Variants in KCNMA1 observed in about 807,000 individuals in gnomAD.
KCNMA1 encodes the protein Calcium-activated potassium channel subunit alpha-1.
A neutral mutation model predicts 140.0 loss-of-function variants in KCNMA1; 29 were observed. The observed-to-expected ratio is 0.21, with a 90% CI of 0.15 to 0.28. The LOEUF is 0.28. KCNMA1 is among the 10% of genes least tolerant of loss of function. The pLI, the probability that KCNMA1 is intolerant of heterozygous loss-of-function variation, is 1.00. For missense variants in KCNMA1, 880 were observed against 1,602.2 expected, an observed-to-expected ratio of 0.55 and a Z score of 7.70; for synonymous variants, 612 against 611.9, an observed-to-expected ratio of 1.00 and a Z score of 0.00.
At chr10:77,155,340 G>A (rs1401756679) in intron 5 of KCNMA1, among the ~76,000 whole-genome samples, 1 of 152,222 alleles carries the variant, frequency 6.6e-6, no homozygotes. Flanking sequence ...AGATACCTCT[G>A]TAATCATTTT....
intron 1 of KCNMA1, among the ~76,000 whole-genome samples, chr10:77,507,477 A>G (rs1480285073): frequency 6.6e-6 from 1 of 152,196 alleles, no homozygotes; most frequent in Non-Finnish European, 1.5e-5. Flanking sequence ...AAATCTCTGG[A>G]CTAGAACCAG....
chr10:77,410,175 C>A (rs917825221), intron 1 of KCNMA1, among the ~76,000 whole-genome samples: 5 of 152,188 alleles, frequency 3.3e-5, no homozygotes, highest in African/African-American at 1.2e-4. Context: ...TCACCCTGCA[C>A]CCTAACAGGA....
intron 5 of KCNMA1, among the ~76,000 whole-genome samples, chr10:77,166,000 C>G (rs1341052791): frequency 1.3e-5 from 2 of 152,056 alleles, no homozygotes; most frequent in Non-Finnish European, 2.9e-5. Context: ...GTTGGGGAGT[C>G]TCTGCGGGCT....
chr10:77,181,888 G>C (rs974867391), intron 5 of KCNMA1, among the ~76,000 whole-genome samples: 1 of 152,172 alleles, frequency 6.6e-6, no homozygotes, highest in Non-Finnish European at 1.5e-5. Context: ...TGTAGCAAAA[G>C]AAATCTTTTT....
At chr10:76,998,299 A>T (rs1280762364) in intron 19 of KCNMA1, among the ~76,000 whole-genome samples, 2 of 152,178 alleles carry the variant, frequency 1.3e-5, no homozygotes, top group Non-Finnish European at 2.9e-5. Flanking sequence ...GTTTCAATTT[A>T]ACATCCCTTG....
At position 77,486,237 on chromosome 10, in the gene KCNMA1, C is replaced by T. The variant is rs369234300; in HGVS notation, c.379-82214G>A. On this transcript the variant is annotated intron_variant, in intron 1 of 27. Transcript: ENST00000286628. ...TTAAGCACACACTGAAGTATTCTTT[C>T]CTCAACCTCACCTCATCTCCTCCCT... 3.3e-5 allele frequency among the ~76,000 whole-genome samples: 5 copies of T among 152,260 alleles called. No individual in the cohort carries two copies. The South Asian group carries it at 6.2e-4, about 19-fold the overall frequency.
chr10:77,353,306 G>A (rs2093110260), intron 2 of KCNMA1, among the ~76,000 whole-genome samples: 1 of 152,106 alleles, frequency 6.6e-6, no homozygotes, highest in Non-Finnish European at 1.5e-5. Flanking sequence ...CAGAGGAATA[G>A]GAGCCCCATC....
At chr10:77,104,197 C>G (rs969585648) in intron 9 of KCNMA1, among the ~76,000 whole-genome samples, 1 of 152,190 alleles carries the variant, frequency 6.6e-6, no homozygotes, top group African/African-American at 2.4e-5. Context: ...GTAGGTATTA[C>G]TATTGCCAGA....
chr10:77,265,862 C>T (rs1357149680), intron 2 of KCNMA1, among the ~76,000 whole-genome samples: 1 of 152,118 alleles, frequency 6.6e-6, no homozygotes, highest in Admixed American at 6.6e-5. Context: ...GGGCAGTTCA[C>T]TTGAGCTCAG....
chr10:77,359,102 C>T (rs1226702757), intron 2 of KCNMA1, among the ~76,000 whole-genome samples: 1 of 152,182 alleles, frequency 6.6e-6, no homozygotes, highest in Non-Finnish European at 1.5e-5. Flanking sequence ...GACTCGTTCA[C>T]ACCCAGGAGG....
chr10:77,622,907 A>C (rs1189849030), intron 1 of KCNMA1, among the ~76,000 whole-genome samples: 1 of 152,252 alleles, frequency 6.6e-6, no homozygotes, highest in Non-Finnish European at 1.5e-5. Context: ...TTCTAAAACC[A>C]GTGATAGACA....
intron 1 of KCNMA1, among the ~76,000 whole-genome samples, chr10:77,537,527 A>G (rs2059179352): frequency 6.6e-6 from 1 of 152,188 alleles, no homozygotes; most frequent in Non-Finnish European, 1.5e-5. Context: ...TCCCTATGGA[A>G]ATTCCCCCCA....
intron 2 of KCNMA1, among the ~76,000 whole-genome samples, chr10:77,322,303 G>A (rs1210812949): frequency 2.0e-5 from 3 of 152,132 alleles, no homozygotes; most frequent in African/African-American, 4.8e-5. Context: ...CTCTTTACAC[G>A]GGTTATCTCA....
rs140754611 is a variant in KCNMA1, at chr10:77,379,475, A to G, written c.540+24387T>C. On this transcript the variant is annotated intron_variant, in intron 2 of 27. Transcript: ENST00000286628. ...ACAGAAAGGAAAACAGCAGATAAAT[A>G]TATAGAAGCAGAAAACAAGAGTAAC... is the stretch of plus-strand genomic sequence containing the variant. Among the ~76,000 whole-genome samples the G allele has an allele frequency of 8.6e-4, 131 of 151,884 alleles. 1 individual carries two copies. Among genetic ancestry groups the G allele is most frequent in the Middle Eastern group, 3.4e-3 (1 of 294 alleles).
intron 3 of KCNMA1, among the ~76,000 whole-genome samples, chr10:77,225,108 T>C (rs896569791): frequency 6.6e-6 from 1 of 152,182 alleles, no homozygotes; most frequent in African/African-American, 2.4e-5. Flanking sequence ...TATATACAGC[T>C]TGACTTGGTG....
At chr10:77,353,624 T>C (rs1475020694) in intron 2 of KCNMA1, among the ~76,000 whole-genome samples, 5 of 151,920 alleles carry the variant, frequency 3.3e-5, no homozygotes, top group African/African-American at 1.2e-4. Context: ...TGCATAAAAT[T>C]TGTAAATGAG....
chr10:76,918,408 T>TCC lies in KCNMA1; in HGVS notation c.2903-3360_2903-3359insGG, dbSNP rs1158290573. ...ATGGGCTCCTGATTCTTTAGCCATG[T>TCC]ACCCATAGCACTTTGTTGATCATGG... On this transcript the variant is annotated intron_variant, in intron 23 of 27. Transcript: ENST00000286628. Among the ~76,000 whole-genome samples the TCC allele has an allele frequency of 1.4e-4, 21 of 152,318 alleles. 1 individual carries two copies. Among genetic ancestry groups the TCC allele is most frequent in the South Asian group, 8.3e-4 (4 of 4,826 alleles).
chr10:76,901,963 C>A (rs2045653004), intron 25 of KCNMA1: 1 of 152,242 alleles, frequency 6.6e-6, no homozygotes, highest in African/African-American at 2.4e-5. Flanking sequence ...GCACACCTAT[C>A]TCTTCAGGAT....
intron 13 of KCNMA1, among the ~76,000 whole-genome samples, chr10:77,073,981 C>A (rs529322050): frequency 1.3e-5 from 2 of 152,242 alleles, no homozygotes; most frequent in Non-Finnish European, 2.9e-5. Context: ...TTTTAAGTGG[C>A]ATGAAGCAGA....
Sources: allele counts gnomAD v4.1 joint callset (sites outside exome capture counted in the v4.1 genomes callset), GRCh38; gene constraint gnomAD v4.1.1; transcripts MANE v1.5; gene names NCBI Gene and HGNC (gene_info 2026-07-23, HGNC 2026-07-21).